PNPLA1: variants seen among roughly 807,000 people sequenced by gnomAD.
PNPLA1 encodes patatin like domain 1, omega-hydroxyceramide transacylase.
PNPLA1 carries 36 observed loss-of-function variants against 51.7 expected under a neutral mutation model. That is an observed-to-expected ratio of 0.70 (90% CI 0.53 to 0.92). The LOEUF (loss-of-function observed/expected upper bound fraction) is 0.92. Among genes scored for constraint, PNPLA1 ranks in the 40% least tolerant of loss-of-function variants. PNPLA1 has a pLI of 0.00. For missense variants in PNPLA1, 658 were observed against 682.5 expected (o/e 0.96, Z 0.40); for synonymous variants, 293 against 280.1 (o/e 1.05, Z -0.46).
intron 1 of PNPLA1, among the ~76,000 whole-genome samples, chr6:36,255,688 A>C: frequency 2.5e-5 from 1 of 39,356 alleles, no homozygotes; most frequent in Non-Finnish European, 4.2e-5. Context: ...ACTCCGTCTA[A>C]AAAAAAAAAA....
chr6:36,279,274 A>G (rs543069182), intron 1 of PNPLA1, among the ~76,000 whole-genome samples: 69 of 152,294 alleles, frequency 4.5e-4, no homozygotes, highest in African/African-American at 1.6e-3. Flanking sequence ...TCTCCCATGG[A>G]GACAGAGCAC....
At chr6:36,283,493 C>G (rs1365136044) in intron 1 of PNPLA1, among the ~76,000 whole-genome samples, 1 of 152,098 alleles carries the variant, frequency 6.6e-6, no homozygotes, top group African/African-American at 2.4e-5. Flanking sequence ...TACGAAATCA[C>G]CACGTAAGGA....
rs373107579 is a variant in PNPLA1, at chr6:36,252,093, C to A, written c.-81+8832C>A. On this transcript the variant is annotated intron_variant, in intron 1 of 7. Coordinates refer to the PNPLA1 transcript ENST00000312917. ...AAGTTTGAGGCAGAACTGTCAGCTC[C>A]CTATCCTAATAGAAACTGCCCCTTG... is the stretch of plus-strand genomic sequence containing the variant. 2.0e-5 allele frequency among the ~76,000 whole-genome samples: 3 copies of A among 152,268 alleles called. No individual in the cohort carries two copies. In the South Asian group the frequency reaches 6.2e-4, roughly 32 times the overall value.
chr6:36,276,765 C>CGTT (rs1770112654), intron 1 of PNPLA1, among the ~76,000 whole-genome samples: 1 of 151,520 alleles, frequency 6.6e-6, no homozygotes, highest in Non-Finnish European at 1.5e-5. Context: ...TTCCTTCCTT[C>CGTT]CTTCCTTCCT....
At chr6:36,250,994 G>A (rs551125310) in intron 1 of PNPLA1, among the ~76,000 whole-genome samples, 16 of 152,234 alleles carry the variant, frequency 1.1e-4, no homozygotes, top group African/African-American at 3.1e-4. Context: ...GAGCCACAGC[G>A]CCCGGCCTGT....
intron 1 of PNPLA1, among the ~76,000 whole-genome samples, chr6:36,264,526 G>A (rs1769720958): frequency 6.6e-6 from 1 of 152,138 alleles, no homozygotes; most frequent in Non-Finnish European, 1.5e-5. Context: ...AAACATGGAA[G>A]GGAAAGAGTC....
chr6:36,302,477 C>T lies in PNPLA1; in HGVS notation c.1384+8C>T, dbSNP rs766217465. 1 of 1,525,422 alleles carries T rather than the reference C, an allele frequency of 6.6e-7. No individual in the cohort carries two copies. The highest frequency in any genetic ancestry group is 2.2e-5 in the Admixed American group (1 of 45,756). 94.5% of individuals were successfully genotyped at this position (1,525,422 alleles called of 1,614,324 possible). On this transcript the variant is annotated splice_region_variant and intron_variant, in intron 6 of 8. Transcript: ENST00000636260. Reference sequence around the variant, plus strand: ...GCCAAGAACAGCCCCAAGGTATGGACCCTTCTGGCTTGTTATGACTTTCTC... The same window carrying T: ...GCCAAGAACAGCCCCAAGGTATGGATCCTTCTGGCTTGTTATGACTTTCTC...
intron 1 of PNPLA1, among the ~76,000 whole-genome samples, chr6:36,246,397 TGGCCATGTTGCCCA>T (rs1451657680): frequency 6.6e-6 from 1 of 152,118 alleles, no homozygotes; most frequent in Non-Finnish European, 1.5e-5. Flanking sequence ...ACATGTTGCC[TGGCCATGTTGCCCA>T]GGCCGATCTT....
chr6:36,312,308 A>AG lies in PNPLA1; in HGVS notation c.*422_*423insG, dbSNP rs1771424757. 1.3e-5 allele frequency: 2 copies of AG among 152,374 alleles called. No individual in the cohort carries two copies. The highest frequency in any genetic ancestry group is 1.3e-4 in the Admixed American group (2 of 15,306). 9.4% of individuals were successfully genotyped at this position (152,374 alleles called of 1,614,324 possible). A position where few individuals can be genotyped will look rare whatever the true frequency, so the allele number is the denominator to read the frequency against. On this transcript the variant is annotated 3_prime_UTR_variant, in exon 9 of 9. Transcript: ENST00000636260. ...ACAAGTATCAGTTGAACTTTCATACATGGAATGATGTTTCAAACACCCTTT... is the reference window on the plus strand; with the variant it reads ...ACAAGTATCAGTTGAACTTTCATACAGTGGAATGATGTTTCAAACACCCTTT...
intron 8 of PNPLA1, among the ~76,000 whole-genome samples, chr6:36,311,126 G>A (rs1174496794): frequency 6.6e-6 from 1 of 152,220 alleles, no homozygotes; most frequent in African/African-American, 2.4e-5. Flanking sequence ...AATGGGGCTG[G>A]GGCCCAGCGG....
At chr6:36,283,419 T>A (rs1770380371) in intron 1 of PNPLA1, among the ~76,000 whole-genome samples, 1 of 152,142 alleles carries the variant, frequency 6.6e-6, no homozygotes, top group South Asian at 2.1e-4. Flanking sequence ...ACCTCCAGAC[T>A]TTTTTTGGTT....
intron 1 of PNPLA1, among the ~76,000 whole-genome samples, chr6:36,250,833 A>T (rs759859839): frequency 8.5e-5 from 13 of 152,100 alleles, no homozygotes; most frequent in Non-Finnish European, 1.8e-4. Flanking sequence ...CCTCCCAAGT[A>T]GCTAGGATTA....
At chr6:36,253,373 T>C (rs1232382612) in intron 1 of PNPLA1, among the ~76,000 whole-genome samples, 2 of 152,216 alleles carry the variant, frequency 1.3e-5, no homozygotes, top group Non-Finnish European at 2.9e-5. Context: ...GGTGAGCTCT[T>C]TTGTTTAGAG....
chr6:36,302,687 AT>A (rs1771102868), intron 6 of PNPLA1, among the ~76,000 whole-genome samples: 1 of 152,198 alleles, frequency 6.6e-6, no homozygotes, highest in Admixed American at 6.5e-5. Flanking sequence ...TCAAAGTGCG[AT>A]CCCCCTACCG....
rs1039080887 is a variant in PNPLA1 at position 36,244,653 on chromosome 6, T to C, written c.-81+1392T>C. Among the ~76,000 whole-genome samples, 4 of 152,178 alleles carry C rather than the reference T, an allele frequency of 2.6e-5. No homozygotes were observed. In the South Asian group the frequency reaches 8.3e-4, roughly 31 times the overall value. On this transcript the variant is annotated intron_variant, in intron 1 of 7. Transcript: ENST00000312917. Reference sequence around the variant, plus strand: ...TCAGATGACACCCTAGAAGGGGAGATGCTGAACACACTTGGTGCCATTCGT... The same window carrying C: ...TCAGATGACACCCTAGAAGGGGAGACGCTGAACACACTTGGTGCCATTCGT...
intron 1 of PNPLA1, among the ~76,000 whole-genome samples, chr6:36,250,563 A>G (rs1428973093): frequency 6.6e-6 from 1 of 152,178 alleles, no homozygotes; most frequent in Non-Finnish European, 1.5e-5. Flanking sequence ...TGTCTCATAC[A>G]TCATTCAACA....
At chr6:36,301,151 C>T (rs998044086) in intron 5 of PNPLA1, among the ~76,000 whole-genome samples, 3 of 110,376 alleles carry the variant, frequency 2.7e-5, no homozygotes, top group African/African-American at 7.1e-5. Context: ...GACAGGTTCT[C>T]ACTCTGTCAC....
At chr6:36,299,845 A>C (rs1770976378) in intron 5 of PNPLA1, among the ~76,000 whole-genome samples, 1 of 152,048 alleles carries the variant, frequency 6.6e-6, no homozygotes, top group South Asian at 2.1e-4. Context: ...ACTCTTAATA[A>C]GCTTTGTTTT....
Position 36,270,630 on chromosome 6 carries a change from G to A in PNPLA1, c.171G>A (p.Val57=). The change falls in exon 1 of 9, where the codon GTG becomes GTA. Residue 57 remains valine (V), a synonymous_variant. Transcript: ENST00000636260. ...TTGCGGGGACATCGGCAGGTGCTGT[G>A]ATCGCCGCCCTGGCCATCTGCGGGA... ...HRFAGTSAGA[V]IAALAICGIE... is the part of the protein sequence containing the mutation. The A allele has an allele frequency of 6.4e-7, 1 of 1,551,304 alleles. No homozygotes were observed. The highest frequency in any genetic ancestry group is 8.7e-7 in the Non-Finnish European group (1 of 1,147,004).
Sources: gnomAD v4.1 joint callset for allele counts (sites outside exome capture counted in the v4.1 genomes callset) on GRCh38, gnomAD v4.1.1 for gene constraint, MANE v1.5 for transcripts, NCBI Gene and HGNC (gene_info 2026-07-23, HGNC 2026-07-21) for gene names.